Variants in ALOX5AP observed in about 807,000 individuals in gnomAD.
ALOX5AP encodes the protein arachidonate 5-lipoxygenase-activating protein.
In ALOX5AP, 9 loss-of-function variants were observed where a neutral mutation model predicts 18.5. The ratio of observed to expected loss-of-function variants is 0.49; its 90% CI spans 0.29 to 0.85. ALOX5AP has a LOEUF of 0.85. ALOX5AP is among the 40% of genes least tolerant of loss of function. The pLI is 0.08. For synonymous variants in ALOX5AP, 81 were observed against 78.6 expected (o/e 1.03, Z -0.16); for missense variants, 172 against 202.5 (o/e 0.85, Z 0.91).
intron 1 of ALOX5AP, among the ~76,000 whole-genome samples, chr13:30,715,594 G>A (rs1951544187): frequency 6.6e-6 from 1 of 152,174 alleles, no homozygotes; most frequent in Non-Finnish European, 1.5e-5. Context: ...TATGGGGTGG[G>A]AAGTCACCCA....
exon 1 of ALOX5AP, chr13:30,713,619 C>A (rs1951526192): frequency 1.3e-6 from 1 of 787,224 alleles, no homozygotes. Flanking sequence ...CTCCTCTCAT[C>A]TCCCGTTTTT....
At position 30,738,253 on chromosome 13, in the gene ALOX5AP, G is replaced by A. The variant is rs529103424; in HGVS notation, c.70+2578G>A. ...CCCACCTGGTGCAATGTCCTCCTCT[G>A]CCTTTCAAACATGTTTTAGTCATCA... On this transcript the variant is annotated intron_variant, in intron 1 of 4. Transcript: ENST00000380490. 5.9e-5 allele frequency among the ~76,000 whole-genome samples: 9 copies of A among 152,286 alleles called. No homozygotes were observed. In the South Asian group the frequency reaches 1.2e-3, roughly 21 times the overall value.
chr13:30,728,585 T>C (rs1593429828), intron 1 of ALOX5AP, among the ~76,000 whole-genome samples: 2 of 152,178 alleles, frequency 1.3e-5, no homozygotes, highest in Non-Finnish European at 2.9e-5. Context: ...CTAGGACATA[T>C]GGTAAGTGTA....
At chr13:30,717,969 T>TA (rs1951562643) in intron 1 of ALOX5AP, among the ~76,000 whole-genome samples, 1 of 151,090 alleles carries the variant, frequency 6.6e-6, no homozygotes, top group South Asian at 2.1e-4. Flanking sequence ...TTTTTTCTTT[T>TA]TTTTTTTGAG....
At chr13:30,744,501 TGA>T in intron 2 of ALOX5AP, 5 of 186,518 alleles carry the variant, frequency 2.7e-5, no homozygotes, top group Admixed American at 5.6e-5. Context: ...ACACCAGCCA[TGA>T]CTCACCAGTC....
intron 1 of ALOX5AP, among the ~76,000 whole-genome samples, chr13:30,720,528 G>C (rs947893159): frequency 5.9e-5 from 9 of 152,204 alleles, no homozygotes; most frequent in African/African-American, 2.2e-4. Context: ...GTTAAAAGTT[G>C]ACAAACATGT....
intron 4 of ALOX5AP, among the ~76,000 whole-genome samples, chr13:30,757,412 A>T (rs1181221025): frequency 1.3e-5 from 2 of 152,150 alleles, no homozygotes; most frequent in Non-Finnish European, 2.9e-5. Context: ...CTCTAGTGGC[A>T]TTCTTATTTA....
At chr13:30,715,261 C>T (rs926193574) in intron 1 of ALOX5AP, among the ~76,000 whole-genome samples, 2 of 152,226 alleles carry the variant, frequency 1.3e-5, no homozygotes, top group South Asian at 2.1e-4. Flanking sequence ...TAATACCTGT[C>T]TTATTGGGTT....
At chr13:30,762,624 G>A (rs1472156852) in intron 4 of ALOX5AP, among the ~76,000 whole-genome samples, 2 of 151,876 alleles carry the variant, frequency 1.3e-5, no homozygotes, top group African/African-American at 2.4e-5. Context: ...AAAATTATGA[G>A]TTATATTATC....
chr13:30,763,904 T>A (rs758116623), intron 4 of ALOX5AP, 40 bp from the exon 5 acceptor site: 1 of 1,590,846 alleles, frequency 6.3e-7, no homozygotes, highest in Non-Finnish European at 8.6e-7. Flanking sequence ...TTGGTGTCAT[T>A]CGCACTGCAT....
At chr13:30,762,258 A>G (rs992596597) in intron 4 of ALOX5AP, among the ~76,000 whole-genome samples, 1 of 152,230 alleles carries the variant, frequency 6.6e-6, no homozygotes, top group African/African-American at 2.4e-5. Flanking sequence ...AGCTTGATAC[A>G]TAATGGCTGA....
intron 1 of ALOX5AP, among the ~76,000 whole-genome samples, chr13:30,741,221 C>T (rs1951761309): frequency 7.2e-6 from 1 of 138,346 alleles, no homozygotes; most frequent in South Asian, 2.3e-4. Context: ...CTCCCGGGTT[C>T]ATGCCATTCT....
rs1361634415 is a variant in ALOX5AP at position 30,713,808 on chromosome 13, T to TG, written c.87dup (p.His30AlafsTer26). ...GAATTTGGGAAATCCTTTGGCACCTTGGGGCACATTGGGAACATAAGCCAT... is the reference window on the plus strand; with the variant it reads ...GAATTTGGGAAATCCTTTGGCACCTTGGGGGCACATTGGGAACATAAGCCAT... On this transcript the variant is annotated frameshift_variant, in exon 1 of 6. Coordinates refer to the ALOX5AP transcript ENST00000617770. LOFTEE classifies it high-confidence loss of function. 2.6e-6 allele frequency: 4 copies of TG among 1,535,452 alleles called. No homozygotes were observed. Among genetic ancestry groups the TG allele is most frequent in the East Asian group, 4.9e-5 (2 of 40,876 alleles).
At chr13:30,751,778 C>T (rs1456994818) in intron 2 of ALOX5AP, among the ~76,000 whole-genome samples, 2 of 152,160 alleles carry the variant, frequency 1.3e-5, no homozygotes, top group Admixed American at 6.5e-5. Context: ...GGAACCCTGC[C>T]AGAGGAATAC....
intron 2 of ALOX5AP, among the ~76,000 whole-genome samples, chr13:30,747,329 C>T (rs1225831188): frequency 2.0e-5 from 3 of 152,106 alleles, no homozygotes; most frequent in Non-Finnish European, 4.4e-5. Context: ...GGCACATGCC[C>T]CCATGCCTGA....
chr13:30,734,543 A>C (rs1220767816), upstream of ALOX5AP, among the ~76,000 whole-genome samples: 1 of 152,202 alleles, frequency 6.6e-6, no homozygotes, highest in East Asian at 1.9e-4. Context: ...TGCCATTCAC[A>C]CTGATCTGAG....
intron 1 of ALOX5AP, among the ~76,000 whole-genome samples, chr13:30,714,504 C>T (rs1048380008): frequency 3.3e-5 from 5 of 150,608 alleles, no homozygotes; most frequent in African/African-American, 1.2e-4. Flanking sequence ...ATCATTCATT[C>T]TTTCCTGTTC....
At chr13:30,742,401 T>C (rs143066073) in intron 1 of ALOX5AP, 1 of 152,040 alleles carries the variant, frequency 6.6e-6, no homozygotes, top group African/African-American at 2.4e-5. Flanking sequence ...CACATCCCCA[T>C]ATGCCCCGCA....
chr13:30,754,759 C>A (rs1216358598), intron 3 of ALOX5AP, among the ~76,000 whole-genome samples: 1 of 152,234 alleles, frequency 6.6e-6, no homozygotes, highest in African/African-American at 2.4e-5. Flanking sequence ...ATGTGCCAGG[C>A]ACTATGCCAG....
Sources: allele counts gnomAD v4.1 joint callset (sites outside exome capture counted in the v4.1 genomes callset), GRCh38; gene constraint gnomAD v4.1.1; transcripts MANE v1.5; gene names NCBI Gene and HGNC (gene_info 2026-07-23, HGNC 2026-07-21).